The following MACF1 variants were observed in gnomAD, a reference collection of about 807,000 sequenced individuals.
The protein encoded by MACF1 is microtubule actin crosslinking factor 1.
Under a neutral mutation model 854.8 loss-of-function variants are expected in MACF1, and 193 were observed. The ratio of observed to expected loss-of-function variants is 0.23; its 90% CI spans 0.20 to 0.25. The LOEUF (loss-of-function observed/expected upper bound fraction) is 0.25. Among genes scored for constraint, MACF1 ranks in the 10% least tolerant of loss-of-function variants. MACF1 has a pLI of 1.00. For synonymous variants in MACF1, 3,185 were observed against 3,226.7 expected (o/e 0.99, Z 0.44); for missense variants, 7,722 against 8,929.1 (o/e 0.86, Z 5.45).
intron 2 of MACF1, among the ~76,000 whole-genome samples, chr1:39,162,248 C>T (rs986988086): frequency 6.6e-5 from 10 of 152,076 alleles, no homozygotes; most frequent in Non-Finnish European, 1.2e-4. Flanking sequence ...GTGATCTGCC[C>T]GCCTTGGCTT....
Position 39,322,693 on chromosome 1 carries a change from C to T in MACF1, c.4115C>T (p.Ser1372Phe). The T allele has an allele frequency of 6.2e-7, 1 of 1,614,126 alleles. No individual in the cohort carries two copies. The highest frequency in any genetic ancestry group is 8.5e-7 in the Non-Finnish European group (1 of 1,179,994). ...SPGKRRRMLS[S>F]SDAITQEFMD... is the part of the protein sequence containing the mutation. Reference sequence around the variant, plus strand: ...GGCAAGCGCCGTCGCATGCTTTCCTCTTCAGATGCCATCACTCAAGAGGTG... The same window carrying T: ...GGCAAGCGCCGTCGCATGCTTTCCTTTTCAGATGCCATCACTCAAGAGGTG... Residue 1372 changes from serine (S) to phenylalanine (F), a missense_variant, in exon 32 of 101, where the codon TCT (serine) becomes TTT (phenylalanine). Physicochemically the swap from Ser to Phe is radical, Grantham distance 155 (BLOSUM62 -2). This residue lies in a region of MACF1 where 1,137 missense variants were observed against 1,263.0 expected (regional missense o/e 0.90). Transcript: ENST00000564288.
chr1:39,174,085 A>G (rs1571134640), intron 2 of MACF1, among the ~76,000 whole-genome samples: 1 of 152,178 alleles, frequency 6.6e-6, no homozygotes, highest in Non-Finnish European at 1.5e-5. Flanking sequence ...CAGCAACAAA[A>G]TCTACCCAGT....
chr1:39,267,417 G>A (rs1413874702), intron 6 of MACF1, among the ~76,000 whole-genome samples: 1 of 152,194 alleles, frequency 6.6e-6, no homozygotes, highest in African/African-American at 2.4e-5. Context: ...TTTTAGTAGA[G>A]ACGGGGTTTC....
At position 39,285,186 on chromosome 1, in the gene MACF1, A is replaced by G. The variant is rs546597271; in HGVS notation, c.1235A>G (p.Lys412Arg). 6.2e-7 allele frequency: 1 copy of G among 1,614,192 alleles called. No individual in the cohort carries two copies. Among genetic ancestry groups the G allele is most frequent in the Admixed American group, 1.7e-5 (1 of 60,022 alleles). Reference protein sequence around the residue: ...KLIIEMLEREKSLRPAVERLE... With the variant: ...KLIIEMLERERSLRPAVERLE... ...ATCATAGAGATGCTGGAACGAGAGA[A>G]ATCACTTCGGCCGGCTGTGGAGAGG... The change falls in exon 12 of 101, where the codon AAA (lysine) becomes AGA (arginine). Residue 412 changes from lysine to arginine, a missense_variant. Physicochemically the swap from Lys to Arg is conservative, Grantham distance 26. Around this residue, in one of 15 missense-constraint regions of MACF1, gnomAD observed 1,137 missense variants for 1,263.0 expected, o/e 0.90. Coordinates refer to ENST00000564288, the MANE Select transcript of MACF1 (RefSeq NM_001394062.1).
intron 2 of MACF1, among the ~76,000 whole-genome samples, chr1:39,134,500 C>T (rs1643114187): frequency 6.6e-6 from 1 of 152,036 alleles, no homozygotes. Context: ...ATACATTTTC[C>T]CTCTAGGGTA....
intron 2 of MACF1, among the ~76,000 whole-genome samples, chr1:39,102,044 C>T (rs779064711): frequency 4.9e-4 from 74 of 151,190 alleles, no homozygotes; most frequent in Non-Finnish European, 8.5e-4. Context: ...GGCGAGGTGG[C>T]GGGCGCCTGT....
At chr1:39,211,744 T>C (rs1260265348) in intron 1 of MACF1, among the ~76,000 whole-genome samples, 1 of 151,816 alleles carries the variant, frequency 6.6e-6, no homozygotes, top group Admixed American at 6.6e-5. Flanking sequence ...AGCCAGGTGC[T>C]GTGGTGGGCG....
intron 24 of MACF1, among the ~76,000 whole-genome samples, chr1:39,309,905 T>C (rs1482967397): frequency 6.6e-6 from 1 of 152,194 alleles, no homozygotes; most frequent in Non-Finnish European, 1.5e-5. Context: ...ATAAGTAACA[T>C]CTTTGGTCTT....
At chr1:39,233,417 G>A (rs970311109) in intron 2 of MACF1, among the ~76,000 whole-genome samples, 2 of 152,046 alleles carry the variant, frequency 1.3e-5, no homozygotes, top group African/African-American at 4.8e-5. Context: ...TCTGCTTTTC[G>A]TTTATTGCTA....
chr1:39,237,396 A>G (rs1033904525), intron 2 of MACF1, among the ~76,000 whole-genome samples: 2 of 152,246 alleles, frequency 1.3e-5, no homozygotes, highest in Admixed American at 6.5e-5. Context: ...GGATTGTATT[A>G]TGCTACTTTC....
At position 39,439,300 on chromosome 1, in the gene MACF1, G is replaced by C; in HGVS notation, c.18247G>C (p.Val6083Leu). Residue 6083 changes from valine (V) to leucine (L), a missense_variant, in exon 72 of 101, where the codon GTA becomes CTA. Val to Leu is a conservative substitution (Grantham distance 32). This residue lies in a region of MACF1 where 2,807 missense variants were observed against 3,235.8 expected (regional missense o/e 0.87). Coordinates refer to ENST00000564288, the MANE Select transcript of MACF1 (RefSeq NM_001394062.1). ...KEIQDKLDQMVFFWEDIKARA... is the reference protein window; with the variant it reads ...KEIQDKLDQMLFFWEDIKARA... ...AATCCAGGATAAATTGGATCAAATG[G>C]TATTCTTCTGGGAGGACATCAAAGC... 1 of 1,612,894 alleles carries C rather than the reference G, an allele frequency of 6.2e-7. No individual in the cohort carries two copies. Among genetic ancestry groups the C allele is most frequent in the Non-Finnish European group, 8.5e-7 (1 of 1,178,994 alleles).
At chr1:39,186,102 T>C (rs1343486489) in intron 2 of MACF1, among the ~76,000 whole-genome samples, 1 of 151,372 alleles carries the variant, frequency 6.6e-6, no homozygotes, top group Non-Finnish European at 1.5e-5. Flanking sequence ...AAGGGAGAAA[T>C]ATCTGAAACC....
At chr1:39,458,681 A>G (rs979704148) in intron 90 of MACF1, 191 bp downstream of exon 90, 162 of 671,950 alleles carry the variant, frequency 2.4e-4, no homozygotes, top group Non-Finnish European at 3.1e-4. Flanking sequence ...ATTCTTTGGT[A>G]TGATTGGTAT....
chr1:39,343,149 A>G (rs893264831), intron 40 of MACF1, among the ~76,000 whole-genome samples: 5 of 152,052 alleles, frequency 3.3e-5, no homozygotes, highest in African/African-American at 1.2e-4. Flanking sequence ...TCTCCCCAAT[A>G]TTGTTCTCTT....
At chr1:39,412,582 A>G (rs562082053) in intron 58 of MACF1, 4 of 1,613,910 alleles carry the variant, frequency 2.5e-6, no homozygotes, top group Non-Finnish European at 3.4e-6. Context: ...ACTGAGACTT[A>G]ATCCAGATGG....
intron 55 of MACF1, among the ~76,000 whole-genome samples, chr1:39,381,629 A>G (rs746055579): frequency 4.5e-4 from 68 of 152,056 alleles, no homozygotes; most frequent in Non-Finnish European, 8.5e-4. Context: ...TGAGGAGTTC[A>G]AGAACAGCCT....
chr1:39,384,988 T>C (rs945344093), intron 56 of MACF1, among the ~76,000 whole-genome samples: 8 of 152,238 alleles, frequency 5.3e-5, no homozygotes, highest in African/African-American at 1.9e-4. Context: ...CCTAATAGCC[T>C]GGTCCTTTAG....
At chr1:39,273,027 C>T (rs1212821727) in intron 6 of MACF1, among the ~76,000 whole-genome samples, 6 of 151,930 alleles carry the variant, frequency 3.9e-5, no homozygotes, top group African/African-American at 1.5e-4. Context: ...CAACAAGGAA[C>T]ATTTTTGAAA....
At chr1:39,404,420 G>A (rs992899657) in intron 58 of MACF1, among the ~76,000 whole-genome samples, 1 of 151,652 alleles carries the variant, frequency 6.6e-6, no homozygotes. Flanking sequence ...GCAGTGAACC[G>A]AGATCGTGTC....
Sources: gnomAD v4.1 joint callset for allele counts (sites outside exome capture counted in the v4.1 genomes callset) on GRCh38, gnomAD v4.1.1 for gene constraint, gnomAD v4.1.1 regional missense constraint, MANE v1.5 for transcripts, NCBI Gene and HGNC (gene_info 2026-07-23, HGNC 2026-07-21) for gene names.